The following NDUFV2 variants were observed in gnomAD, a reference collection of about 807,000 sequenced individuals.
NDUFV2 encodes NADH dehydrogenase [ubiquinone] flavoprotein 2, mitochondrial.
In NDUFV2, 18 loss-of-function variants were observed where a neutral mutation model predicts 31.6. That is an observed-to-expected ratio of 0.57 (90% CI 0.39 to 0.84). NDUFV2 has a LOEUF of 0.84. Ranked by LOEUF, NDUFV2 falls within the 40% of genes least tolerant of loss-of-function variation. The probability of loss-of-function intolerance (pLI) is 0.00; values close to 1 mark genes in which losing one functional copy is unlikely to be tolerated. For synonymous variants in NDUFV2, 83 were observed against 99.8 expected (o/e 0.83, Z 1.01); for missense variants, 314 against 303.6 (o/e 1.03, Z -0.26).
At chr18:9,108,595 T>G (rs776326147) in intron 1 of NDUFV2, among the ~76,000 whole-genome samples, 3 of 152,190 alleles carry the variant, frequency 2.0e-5, no homozygotes, top group Non-Finnish European at 4.4e-5. Flanking sequence ...AGCATTTGTA[T>G]TTATGATTAT....
In NDUFV2 at chr18:9,102,700, T is replaced by C; in HGVS notation, c.-44T>C. ...CTGTGCGCCCTGGGCGCGCTCGGGA[T>C]TCTCGCCTGGCGCGGCTGGGGAAGG... On this transcript the variant is annotated 5_prime_UTR_variant, in exon 1 of 8. Coordinates refer to ENST00000318388, the MANE Select transcript of NDUFV2 (RefSeq NM_021074.5). The C allele has an allele frequency of 6.4e-7, 1 of 1,561,960 alleles. No individual in the cohort carries two copies.
chr18:9,106,157 G>A (rs1220568080), intron 1 of NDUFV2, among the ~76,000 whole-genome samples: 4 of 152,134 alleles, frequency 2.6e-5, no homozygotes, highest in African/African-American at 7.2e-5. Context: ...AGAGATTTCC[G>A]TAGAATTTAT....
At chr18:9,112,626 G>A (rs2077877351) in intron 1 of NDUFV2, 1 of 152,124 alleles carries the variant, frequency 6.6e-6, no homozygotes, top group Admixed American at 6.5e-5. Flanking sequence ...GGGACTACAG[G>A]TGTGCGCCAC....
intron 1 of NDUFV2, among the ~76,000 whole-genome samples, chr18:9,116,129 G>A (rs1386219097): frequency 6.6e-6 from 1 of 152,092 alleles, no homozygotes; most frequent in Non-Finnish European, 1.5e-5. Flanking sequence ...GATCTCTTCA[G>A]GCTATTAGCC....
At chr18:9,114,918 C>T (rs1240920964) in intron 1 of NDUFV2, among the ~76,000 whole-genome samples, 1 of 152,120 alleles carries the variant, frequency 6.6e-6, no homozygotes, top group Admixed American at 6.5e-5. Context: ...TCAAGATTAT[C>T]TCTATATTTT....
intron 1 of NDUFV2, chr18:9,104,326 G>A: frequency 6.3e-7 from 1 of 1,585,874 alleles, no homozygotes; most frequent in South Asian, 1.1e-5. Context: ...GCCGTCAGGA[G>A]TCAGTGAAAG....
intron 5 of NDUFV2, among the ~76,000 whole-genome samples, chr18:9,123,434 T>TA (rs1405216143): frequency 6.6e-6 from 1 of 152,186 alleles, no homozygotes; most frequent in Non-Finnish European, 1.5e-5. Flanking sequence ...GCTTGCTTTT[T>TA]AGACTTTATT....
chr18:9,122,267 AGGAGGAAGTGCTGTTAACT>A (rs1476745319), intron 4 of NDUFV2, among the ~76,000 whole-genome samples: 65 of 152,210 alleles, frequency 4.3e-4, no homozygotes, highest in Admixed American at 2.6e-4. Flanking sequence ...GTAGGGTAGA[AGGAGGAAGTGCTGTTAACT>A]CCATTAACTT....
intron 2 of NDUFV2, among the ~76,000 whole-genome samples, chr18:9,118,951 A>G (rs1373619840): frequency 2.0e-5 from 3 of 151,236 alleles, no homozygotes; most frequent in Non-Finnish European, 2.9e-5. Flanking sequence ...ATATGTTCAC[A>G]TTTAAAATTT....
chr18:9,119,260 A>T (rs2077916792), intron 2 of NDUFV2, 66 bp from the exon 3 acceptor site: 2 of 1,164,430 alleles, frequency 1.7e-6, no homozygotes, highest in African/African-American at 1.5e-5. Context: ...ATAGTATAGT[A>T]ATGTACAGTG....
At chr18:9,117,501 C>A (rs1277366643) in intron 1 of NDUFV2, 1 of 275,196 alleles carries the variant, frequency 3.6e-6, no homozygotes, top group East Asian at 8.0e-5. Context: ...CAAGTTGATT[C>A]AGACAAAAGT....
intron 1 of NDUFV2, among the ~76,000 whole-genome samples, chr18:9,106,228 T>C (rs1237315429): frequency 6.6e-6 from 1 of 152,226 alleles, no homozygotes; most frequent in Non-Finnish European, 1.5e-5. Flanking sequence ...GATTTCCCAC[T>C]TTACCATGTC....
chr18:9,123,194 C>T (rs1169965509), intron 5 of NDUFV2, among the ~76,000 whole-genome samples: 1 of 152,100 alleles, frequency 6.6e-6, no homozygotes, highest in Non-Finnish European at 1.5e-5. Context: ...ACTGCCATTG[C>T]TACACTTCTA....
rs765537985 is a variant in NDUFV2 at position 9,117,860 on chromosome 18, A to G, written c.77A>G (p.His26Arg). The change falls in exon 2 of 8, where the codon CAT becomes CGT. Residue 26 changes from histidine to arginine, a missense_variant. By Grantham distance (29) the His-to-Arg change is conservative (BLOSUM62 0). Coordinates refer to ENST00000318388, the MANE Select transcript of NDUFV2 (RefSeq NM_021074.5). Reference protein sequence around the residue: ...AHWGRHVRNLHKTVMQNGAGG... With the variant: ...AHWGRHVRNLRKTVMQNGAGG... ...TAGGGAAGACATGTAAGGAATTTGC[A>G]TAAGACAGTTATGCAAAATGGAGCT... 11 of 1,600,386 alleles carry G rather than the reference A, an allele frequency of 6.9e-6. No homozygotes were observed. Among genetic ancestry groups the G allele is most frequent in the South Asian group, 3.3e-5 (3 of 90,584 alleles).
At chr18:9,134,098 A>G in intron 7 of NDUFV2, 88 bp from the exon 8 acceptor site, 1 of 938,978 alleles carries the variant, frequency 1.1e-6, no homozygotes, top group South Asian at 1.4e-5. Flanking sequence ...TAGTTACTTA[A>G]CTGGGCTCTT....
rs752688140 is a variant in NDUFV2 at position 9,119,540 on chromosome 18, G to T, written c.250G>T (p.Asp84Tyr). Residue 84 changes from aspartate to tyrosine, a missense_variant, in exon 4 of 8, where the codon GAT becomes TAT. Coordinates refer to ENST00000318388, the MANE Select transcript of NDUFV2 (RefSeq NM_021074.5). ...AGCAGCAGCTGTTCTTCCAGTCCTG[G>T]ATTTAGCCCAAAGGCAGAATGGGTG... The part of the protein sequence containing the change: ...HKAAAVLPVL[D>Y]LAQRQNGWLP... 1.2e-6 allele frequency: 2 copies of T among 1,613,748 alleles called. No individual in the cohort carries two copies. The highest frequency in any genetic ancestry group is 2.7e-5 in the African/African-American group (2 of 74,926).
intron 1 of NDUFV2, among the ~76,000 whole-genome samples, chr18:9,108,444 A>C (rs1438808182): frequency 1.3e-5 from 2 of 152,170 alleles, no homozygotes; most frequent in African/African-American, 4.8e-5. Flanking sequence ...TGAGCTAGGG[A>C]AAGTTTTTCC....
chr18:9,103,231 T>C (rs2077824045), intron 1 of NDUFV2: 1 of 398,346 alleles, frequency 2.5e-6, no homozygotes, highest in Non-Finnish European at 4.4e-6. Context: ...TCGTGAAGGC[T>C]TAGGGAGAAC....
chr18:9,127,688 G>GTC (rs937587633), intron 7 of NDUFV2, among the ~76,000 whole-genome samples: 1 of 152,088 alleles, frequency 6.6e-6, no homozygotes, highest in Non-Finnish European at 1.5e-5. Flanking sequence ...AGCCAGGATG[G>GTC]TCTCCGATCT....
Sources: gnomAD v4.1 joint callset for allele counts (sites outside exome capture counted in the v4.1 genomes callset) on GRCh38, gnomAD v4.1.1 for gene constraint, MANE v1.5 for transcripts, NCBI Gene and HGNC (gene_info 2026-07-23, HGNC 2026-07-21) for gene names.